The following RGS6 variants were observed in gnomAD, a reference collection of about 807,000 sequenced individuals.
The protein encoded by RGS6 is regulator of G protein signaling 6.
In RGS6, 30 loss-of-function variants were observed where a neutral mutation model predicts 78.5. The observed-to-expected ratio is 0.38, with a 90% CI of 0.29 to 0.52. The LOEUF is 0.52. Ranked by LOEUF, RGS6 falls within the 20% of genes least tolerant of loss-of-function variation. The probability of loss-of-function intolerance (pLI) is 0.85; values close to 1 mark genes in which losing one functional copy is unlikely to be tolerated. For missense variants in RGS6, 495 were observed against 609.7 expected (o/e 0.81, Z 1.98); for synonymous variants, 206 against 206.0 (o/e 1.00, Z 0.00).
chr14:72,627,329 A>G, the RGS6 span, among the ~76,000 whole-genome samples: 2 of 152,064 alleles, frequency 1.3e-5, no homozygotes, highest in Non-Finnish European at 1.5e-5. Flanking sequence ...ATTTTTATGT[A>G]TGGTGTAAGA....
intron 2 of RGS6, among the ~76,000 whole-genome samples, chr14:72,300,515 G>A (rs968188379): frequency 2.0e-5 from 3 of 152,268 alleles, no homozygotes; most frequent in African/African-American, 7.2e-5. Context: ...ATATTTGGGG[G>A]AATATCATGA....
At chr14:72,125,026 T>TTTG (rs1190317534) in intron 2 of RGS6, among the ~76,000 whole-genome samples, 3 of 152,210 alleles carry the variant, frequency 2.0e-5, no homozygotes, top group Non-Finnish European at 4.4e-5. Flanking sequence ...AAAGGTTCTC[T>TTTG]TTCACTAGTT....
intron 3 of RGS6, among the ~76,000 whole-genome samples, chr14:72,352,735 G>A (rs527990332): frequency 1.3e-5 from 2 of 152,126 alleles, no homozygotes; most frequent in Non-Finnish European, 2.9e-5. Flanking sequence ...CACAGTACAT[G>A]TACCTACCAT....
At chr14:72,199,165 A>G (rs1350711896) in intron 2 of RGS6, among the ~76,000 whole-genome samples, 5 of 152,234 alleles carry the variant, frequency 3.3e-5, no homozygotes, top group Non-Finnish European at 5.9e-5. Flanking sequence ...GTGAAGGCCC[A>G]GTGATGGAAT....
chr14:71,911,968 C>T, the RGS6 span, among the ~76,000 whole-genome samples: 118 of 152,310 alleles, frequency 7.7e-4, no homozygotes, highest in African/African-American at 2.7e-3. Flanking sequence ...GTCCCATATT[C>T]ACTTTGGGGT....
Position 72,147,694 on chromosome 14 carries a change from T to C in RGS6, c.84+182819T>C, listed in dbSNP as rs567622532. Reference sequence around the variant, plus strand: ...AGCAGCTCATGCCAATGCTGTGTGGTAAGAGAAAGCACAGGGCTATTGAAA... The same window carrying C: ...AGCAGCTCATGCCAATGCTGTGTGGCAAGAGAAAGCACAGGGCTATTGAAA... On this transcript the variant is annotated intron_variant, in intron 2 of 17. Transcript: ENST00000553525. Among the ~76,000 whole-genome samples the C allele has an allele frequency of 5.3e-5, 8 of 152,180 alleles. No individual in the cohort carries two copies. In the East Asian group the frequency reaches 1.4e-3, roughly 26 times the overall value.
the RGS6 span, among the ~76,000 whole-genome samples, chr14:71,906,988 TC>T: frequency 6.6e-6 from 1 of 152,228 alleles, no homozygotes; most frequent in African/African-American, 2.4e-5. Flanking sequence ...GGAAATATTT[TC>T]CTTTCTCTTG....
chr14:71,869,251 G>T, the RGS6 span, among the ~76,000 whole-genome samples: 4 of 152,196 alleles, frequency 2.6e-5, no homozygotes, highest in Non-Finnish European at 4.4e-5. Context: ...AACCTTGTGA[G>T]TGTTAGCACT....
At chr14:72,405,823 T>C (rs929327176) in intron 3 of RGS6, among the ~76,000 whole-genome samples, 10 of 152,164 alleles carry the variant, frequency 6.6e-5, no homozygotes, top group African/African-American at 1.2e-4. Context: ...GAATTTTCTA[T>C]TTCCTGAAAT....
intron 17 of RGS6, among the ~76,000 whole-genome samples, chr14:72,541,866 G>A (rs1217645109): frequency 6.6e-6 from 1 of 152,202 alleles, no homozygotes; most frequent in African/African-American, 2.4e-5. Flanking sequence ...AGAAAGGCAA[G>A]AATGGTCTCG....
At chr14:72,351,163 A>G (rs1237760674) in intron 2 of RGS6, among the ~76,000 whole-genome samples, 1 of 152,176 alleles carries the variant, frequency 6.6e-6, no homozygotes, top group Non-Finnish European at 1.5e-5. Context: ...AGATATTTCT[A>G]TTGGTTAGGA....
intron 3 of RGS6, among the ~76,000 whole-genome samples, chr14:72,431,643 A>G (rs933169870): frequency 6.6e-6 from 1 of 151,788 alleles, no homozygotes; most frequent in African/African-American, 2.4e-5. Context: ...TCAGGGACAT[A>G]TATTGTATGG....
intron 3 of RGS6, among the ~76,000 whole-genome samples, chr14:72,395,110 T>G (rs1302892904): frequency 6.6e-6 from 1 of 152,348 alleles, no homozygotes; most frequent in East Asian, 1.9e-4. Context: ...GCATCTACTT[T>G]CATTATCACC....
intron 3 of RGS6, among the ~76,000 whole-genome samples, chr14:72,385,049 C>T (rs1007462703): frequency 1.3e-5 from 2 of 152,238 alleles, no homozygotes; most frequent in Middle Eastern, 3.4e-3. Flanking sequence ...GGTGCCTGGC[C>T]GGTTTGCATA....
chr14:72,213,630 T>C (rs1421010074), intron 2 of RGS6, among the ~76,000 whole-genome samples: 1 of 152,196 alleles, frequency 6.6e-6, no homozygotes, highest in African/African-American at 2.4e-5. Flanking sequence ...AGACTCTCCA[T>C]TGGCTGCAAA....
At chr14:71,975,700 T>TC (rs1364091030) in intron 2 of RGS6, among the ~76,000 whole-genome samples, 2 of 152,132 alleles carry the variant, frequency 1.3e-5, no homozygotes, top group Non-Finnish European at 2.9e-5. Context: ...CTCGTGATCC[T>TC]CCCACCTCAG....
rs115713727 is a variant in RGS6 at position 72,300,707 on chromosome 14, G to A, written c.85-51388G>A. On this transcript the variant is annotated intron_variant, in intron 2 of 17. Coordinates refer to ENST00000553525, the MANE Select transcript of RGS6 (RefSeq NM_001204424.2). ...TCATATCCACTCAACTGAGTCTGGC[G>A]TCTCCTTGAATGCAGGCATGCGGAA... Among the ~76,000 whole-genome samples, 390 of 152,300 alleles carry A rather than the reference G, an allele frequency of 2.6e-3. 1 individual carries two copies. Among genetic ancestry groups the A allele is most frequent in the African/African-American group, 8.9e-3 (371 of 41,558 alleles).
At chr14:72,125,673 T>C (rs2096173216) in intron 2 of RGS6, among the ~76,000 whole-genome samples, 1 of 152,002 alleles carries the variant, frequency 6.6e-6, no homozygotes, top group East Asian at 1.9e-4. Context: ...GGAAAGGTGA[T>C]TGGAGGTAAG....
chr14:72,547,331 A>G, intron 17 of RGS6: 1 of 1,535,550 alleles, frequency 6.5e-7, no homozygotes, highest in Non-Finnish European at 8.7e-7. Context: ...AAGAGAAGTC[A>G]GAGAGCTTCA....
Sources: allele counts gnomAD v4.1 joint callset (sites outside exome capture counted in the v4.1 genomes callset), GRCh38; gene constraint gnomAD v4.1.1; transcripts MANE v1.5; gene names NCBI Gene and HGNC (gene_info 2026-07-23, HGNC 2026-07-21).